The following CDK14 variants were observed in gnomAD, a reference collection of about 807,000 sequenced individuals.
CDK14 encodes the protein cyclin-dependent kinase 14.
CDK14 carries 34 observed loss-of-function variants against 60.7 expected under a neutral mutation model. The ratio of observed to expected loss-of-function variants is 0.56; its 90% CI spans 0.43 to 0.75. The LOEUF is 0.75. Among genes scored for constraint, CDK14 ranks in the 30% least tolerant of loss-of-function variants. CDK14 has a pLI of 0.00. For synonymous variants in CDK14, 197 were observed against 203.7 expected (o/e 0.97, Z 0.28); for missense variants, 482 against 564.1 (o/e 0.85, Z 1.47).
intron 14 of CDK14, among the ~76,000 whole-genome samples, chr7:91,122,194 G>C (rs930099037): frequency 6.6e-6 from 1 of 152,076 alleles, no homozygotes; most frequent in Non-Finnish European, 1.5e-5. Flanking sequence ...ATTGCAAGAA[G>C]TTAACTGCAT....
rs73398985 is a variant in CDK14, at chr7:91,067,511, A to G, written c.1106-11921A>G. 8.1e-3 allele frequency among the ~76,000 whole-genome samples: 1,235 copies of G among 152,334 alleles called. 19 individuals carry two copies. The highest frequency in any genetic ancestry group is 0.027 in the African/African-American group (1,139 of 41,576). ...TCTAGTGGGGACTCTGTCTGTATCC[A>G]TACTGTAGCATTTTTCATTCTGTAT... On this transcript the variant is annotated intron_variant, in intron 11 of 14. Coordinates refer to ENST00000380050, the MANE Select transcript of CDK14 (RefSeq NM_001287135.2).
chr7:91,109,822 T>C (rs1387088614), intron 12 of CDK14, among the ~76,000 whole-genome samples: 1 of 152,020 alleles, frequency 6.6e-6, no homozygotes, highest in Non-Finnish European at 1.5e-5. Flanking sequence ...AATGTGAGAA[T>C]AAAATGAACT....
At chr7:90,871,464 G>GA (rs1474197774) in intron 6 of CDK14, among the ~76,000 whole-genome samples, 1 of 152,070 alleles carries the variant, frequency 6.6e-6, no homozygotes, top group African/African-American at 2.4e-5. Context: ...AGAGAGGAGA[G>GA]AAAAAGGTAG....
intron 8 of CDK14, among the ~76,000 whole-genome samples, chr7:90,947,500 C>CGA (rs1399366234): frequency 6.6e-6 from 1 of 152,158 alleles, no homozygotes; most frequent in African/African-American, 2.4e-5. Context: ...TTACGACACT[C>CGA]TAAGTTGTGT....
chr7:91,019,947 A>T (rs1395127868), intron 10 of CDK14, among the ~76,000 whole-genome samples: 1 of 152,188 alleles, frequency 6.6e-6, no homozygotes, highest in African/African-American at 2.4e-5. Flanking sequence ...TTTTGCTCAA[A>T]TGCTCATGGA....
At chr7:90,724,584 A>G (rs1802568425) in intron 2 of CDK14, among the ~76,000 whole-genome samples, 1 of 151,768 alleles carries the variant, frequency 6.6e-6, no homozygotes, top group South Asian at 2.1e-4. Flanking sequence ...ATTTTCCTAC[A>G]GCTAAAGTAC....
intron 10 of CDK14, among the ~76,000 whole-genome samples, chr7:91,013,483 A>G (rs1031398176): frequency 2.6e-5 from 4 of 152,176 alleles, no homozygotes; most frequent in Admixed American, 6.5e-5. Context: ...AAATCATCAA[A>G]GGAAACTACC....
In CDK14 at chr7:90,886,345, T is replaced by A. The variant is rs1230592419; in HGVS notation, c.640-12946T>A. Among the ~76,000 whole-genome samples the A allele has an allele frequency of 3.3e-5, 5 of 152,328 alleles. No individual in the cohort carries two copies. The East Asian group carries it at 7.7e-4, about 23-fold the overall frequency. On this transcript the variant is annotated intron_variant, in intron 6 of 14. Coordinates refer to ENST00000380050, the MANE Select transcript of CDK14 (RefSeq NM_001287135.2). ...TACATGCCAAGCCTACTAATTTGTT[T>A]TGAAGTAAATATTGAGAGATATTTT...
At chr7:90,823,709 C>G (rs1789627162) in intron 5 of CDK14, among the ~76,000 whole-genome samples, 1 of 152,188 alleles carries the variant, frequency 6.6e-6, no homozygotes, top group East Asian at 1.9e-4. Flanking sequence ...AACCTTTCCT[C>G]TAACAGAGTG....
chr7:90,955,592 T>C, intron 8 of CDK14, 105 bp from the exon 9 acceptor site: 1 of 1,259,248 alleles, frequency 7.9e-7, no homozygotes, highest in African/African-American at 1.5e-5. Flanking sequence ...CCTGATTCTG[T>C]ATTAAAAGGT....
intron 5 of CDK14, among the ~76,000 whole-genome samples, chr7:90,843,423 A>C (rs1042110665): frequency 2.6e-5 from 4 of 152,170 alleles, no homozygotes; most frequent in East Asian, 1.9e-4. Flanking sequence ...TGATAATCTT[A>C]AGCACTGGGA....
intron 14 of CDK14, among the ~76,000 whole-genome samples, chr7:91,184,204 T>TAAAAAAAA (rs59565390): frequency 0.012 from 444 of 36,654 alleles, 66 homozygotes; most frequent in East Asian, 0.07. Flanking sequence ...GGCTCCGTCT[T>TAAAAAAAA]AAAAAAAAAA....
At chr7:91,061,679 TG>T (rs1214106948) in intron 11 of CDK14, among the ~76,000 whole-genome samples, 2 of 152,242 alleles carry the variant, frequency 1.3e-5, no homozygotes, top group Admixed American at 1.3e-4. Context: ...AGACCCTGTT[TG>T]CCTGGGTATC....
At chr7:91,166,126 C>T (rs986858166) in intron 14 of CDK14, among the ~76,000 whole-genome samples, 3 of 152,214 alleles carry the variant, frequency 2.0e-5, no homozygotes, top group Non-Finnish European at 4.4e-5. Context: ...CAACGTGTTA[C>T]TGACACCCTT....
At chr7:90,950,582 T>A (rs1794226574) in intron 8 of CDK14, among the ~76,000 whole-genome samples, 1 of 152,170 alleles carries the variant, frequency 6.6e-6, no homozygotes, top group Non-Finnish European at 1.5e-5. Flanking sequence ...AAAACAAGAC[T>A]TCCAGCTTTG....
intron 9 of CDK14, among the ~76,000 whole-genome samples, chr7:90,972,281 G>A (rs1390830865): frequency 6.6e-6 from 1 of 152,164 alleles, no homozygotes; most frequent in African/African-American, 2.4e-5. Context: ...TAAATGATGA[G>A]TGGCAGTTTA....
intron 14 of CDK14, among the ~76,000 whole-genome samples, chr7:91,201,867 G>A (rs1802739629): frequency 6.6e-6 from 1 of 152,228 alleles, no homozygotes; most frequent in African/African-American, 2.4e-5. Flanking sequence ...AATCAGAAAT[G>A]CATGAAGTGC....
chr7:90,651,660 T>TTTG (rs1353942782), intron 2 of CDK14, among the ~76,000 whole-genome samples: 2 of 152,188 alleles, frequency 1.3e-5, no homozygotes, highest in East Asian at 3.9e-4. Context: ...ATGTTTGTAG[T>TTTG]TAATTTTTCT....
chr7:90,653,717 G>C (rs1584771602), intron 2 of CDK14, among the ~76,000 whole-genome samples: 1 of 152,032 alleles, frequency 6.6e-6, no homozygotes, highest in Non-Finnish European at 1.5e-5. Context: ...TGTGCACAAT[G>C]TGCAGGTTTG....
Sources: gnomAD v4.1 joint callset for allele counts (sites outside exome capture counted in the v4.1 genomes callset) on GRCh38, gnomAD v4.1.1 for gene constraint, MANE v1.5 for transcripts, NCBI Gene and HGNC (gene_info 2026-07-23, HGNC 2026-07-21) for gene names.